DPP10: variants seen among roughly 807,000 people sequenced by gnomAD.
DPP10 encodes the protein dipeptidyl peptidase like 10.
DPP10 carries 33 observed loss-of-function variants against 120.9 expected under a neutral mutation model. That is an observed-to-expected ratio of 0.27 (90% CI 0.21 to 0.37). The LOEUF is 0.37. Among genes scored for constraint, DPP10 ranks in the 10% least tolerant of loss-of-function variants. DPP10 has a pLI of 1.00. For missense variants in DPP10, 816 were observed against 942.8 expected (o/e 0.87, Z 1.76); for synonymous variants, 337 against 326.1 (o/e 1.03, Z -0.36).
At chr2:115,202,290 A>G (rs1036479640) in intron 1 of DPP10, among the ~76,000 whole-genome samples, 2 of 152,170 alleles carry the variant, frequency 1.3e-5, no homozygotes, top group African/African-American at 2.4e-5. Context: ...AAGTTAAGCA[A>G]TTTTCTATGA....
At chr2:114,595,889 C>T (rs1158305742) in intron 1 of DPP10, among the ~76,000 whole-genome samples, 1 of 152,140 alleles carries the variant, frequency 6.6e-6, no homozygotes, top group Non-Finnish European at 1.5e-5. Flanking sequence ...TCTTTACTTT[C>T]AACCAGATTT....
chr2:115,631,447 G>A (rs1310119917), intron 5 of DPP10, among the ~76,000 whole-genome samples: 1 of 151,996 alleles, frequency 6.6e-6, no homozygotes, highest in African/African-American at 2.4e-5. Context: ...CTTGTCTTCT[G>A]CCAGTTTTGG....
chr2:114,978,097 TA>T (rs1473343858), intron 1 of DPP10, among the ~76,000 whole-genome samples: 1 of 152,072 alleles, frequency 6.6e-6, no homozygotes, highest in East Asian at 1.9e-4. Flanking sequence ...TTTCAGTAAT[TA>T]AAAGTAGCAT....
chr2:115,095,203 T>A (rs914907560), intron 1 of DPP10, among the ~76,000 whole-genome samples: 11 of 152,196 alleles, frequency 7.2e-5, no homozygotes, highest in Non-Finnish European at 1.6e-4. Context: ...TAGCAAATTC[T>A]GGGAGCCAAG....
intron 17 of DPP10, among the ~76,000 whole-genome samples, chr2:115,784,829 G>A (rs569824966): frequency 6.6e-6 from 1 of 152,278 alleles, no homozygotes; most frequent in Non-Finnish European, 1.5e-5. Context: ...ACCATGCCTA[G>A]CAGAAACTTA....
In DPP10 at chr2:115,836,740, G is replaced by T. The variant is rs770338875; in HGVS notation, c.2176G>T (p.Ala726Ser). ...AAATATATTAATAATTCATGGAACT[G>T]CTGACAGTAAGTATTATACTTGCCG... ...EENILIIHGT[A>S]DTKVHFQHSA... is the part of the protein sequence containing the mutation. The change falls in exon 24 of 26, where the codon GCT becomes TCT. Residue 726 changes from alanine (A) to serine (S), a missense_variant. By Grantham distance (99) the Ala-to-Ser change is moderately conservative (BLOSUM62 1). Around this residue, in one of 3 missense-constraint regions of DPP10, gnomAD observed 592 missense variants for 649.0 expected, o/e 0.91. Coordinates refer to ENST00000410059, the MANE Select transcript of DPP10 (RefSeq NM_020868.6). 1.1e-5 allele frequency: 17 copies of T among 1,612,786 alleles called. No homozygotes were observed. In the East Asian group the frequency reaches 2.7e-4, roughly 25 times the overall value.
intron 1 of DPP10, among the ~76,000 whole-genome samples, chr2:115,256,010 G>A (rs2058970252): frequency 6.6e-6 from 1 of 152,166 alleles, no homozygotes; most frequent in Non-Finnish European, 1.5e-5. Context: ...CTTTACGGCA[G>A]CACCCAACTT....
At chr2:114,866,752 C>G (rs750726238) in intron 1 of DPP10, among the ~76,000 whole-genome samples, 15 of 152,188 alleles carry the variant, frequency 9.9e-5, no homozygotes, top group Non-Finnish European at 2.1e-4. Flanking sequence ...TACTATGCAG[C>G]ATTTAGTAGC....
intron 1 of DPP10, among the ~76,000 whole-genome samples, chr2:114,598,870 C>T (rs2105213321): frequency 6.6e-6 from 1 of 151,836 alleles, no homozygotes; most frequent in East Asian, 1.9e-4. Flanking sequence ...TTAGGAGGGG[C>T]AGATATACAT....
intron 1 of DPP10, among the ~76,000 whole-genome samples, chr2:115,103,902 A>G (rs567714256): frequency 6.6e-6 from 1 of 151,974 alleles, no homozygotes; most frequent in Non-Finnish European, 1.5e-5. Context: ...TGGATTTCAT[A>G]TTTTTTCAGA....
intron 1 of DPP10, among the ~76,000 whole-genome samples, chr2:115,203,240 T>C (rs2055873573): frequency 6.6e-6 from 1 of 152,008 alleles, no homozygotes; most frequent in Non-Finnish European, 1.5e-5. Context: ...CAAGGAAGAG[T>C]GTTGGCTTGA....
chr2:115,067,629 C>T (rs1255320087), intron 1 of DPP10, among the ~76,000 whole-genome samples: 2 of 144,256 alleles, frequency 1.4e-5, no homozygotes, highest in Non-Finnish European at 3.0e-5. Flanking sequence ...TTTGGGAAGT[C>T]GAGGCAGGGG....
intron 1 of DPP10, among the ~76,000 whole-genome samples, chr2:114,679,193 A>C (rs1263421105): frequency 1.3e-5 from 2 of 151,996 alleles, no homozygotes; most frequent in Non-Finnish European, 2.9e-5. Flanking sequence ...AGATTTCAAA[A>C]TTTTATTTTT....
intron 1 of DPP10, among the ~76,000 whole-genome samples, chr2:114,912,848 T>C (rs1209867521): frequency 3.3e-5 from 5 of 152,284 alleles, no homozygotes; most frequent in African/African-American, 9.6e-5. Flanking sequence ...AGAGAGTTGA[T>C]GGAGACAGAA....
chr2:115,792,624 G>GT (rs1039548599), intron 19 of DPP10, among the ~76,000 whole-genome samples: 62 of 149,970 alleles, frequency 4.1e-4, no homozygotes, highest in Admixed American at 2.7e-3. Context: ...TTAATTCATT[G>GT]TTTTTTTTTC....
chr2:114,637,895 G>A (rs1443607692), intron 1 of DPP10, among the ~76,000 whole-genome samples: 4 of 151,824 alleles, frequency 2.6e-5, no homozygotes, highest in African/African-American at 9.7e-5. Flanking sequence ...TAGCGCTGTA[G>A]TATAGTTTGA....
intron 12 of DPP10, among the ~76,000 whole-genome samples, chr2:115,766,019 GATTC>G (rs1188711286): frequency 3.3e-5 from 5 of 151,922 alleles, no homozygotes; most frequent in African/African-American, 9.7e-5. Context: ...TTAATTGACT[GATTC>G]ATTCAGTAAA....
At chr2:115,330,976 A>C (rs112446544) in intron 2 of DPP10, among the ~76,000 whole-genome samples, 1 of 151,930 alleles carries the variant, frequency 6.6e-6, no homozygotes, top group African/African-American at 2.4e-5. Context: ...GTCATTGGTA[A>C]CTTGATGGGG....
chr2:114,477,808 T>C (rs1462779169), intron 1 of DPP10, among the ~76,000 whole-genome samples: 2 of 151,008 alleles, frequency 1.3e-5, no homozygotes, highest in African/African-American at 4.9e-5. Context: ...CACATATACA[T>C]ACATATGTGT....
Sources: allele counts gnomAD v4.1 joint callset (sites outside exome capture counted in the v4.1 genomes callset), GRCh38; gene constraint gnomAD v4.1.1; regional missense constraint gnomAD v4.1.1; transcripts MANE v1.5; gene names NCBI Gene and HGNC (gene_info 2026-07-23, HGNC 2026-07-21).